Variants in INSR observed in about 807,000 individuals in gnomAD.
The protein encoded by INSR is IR.
A neutral mutation model predicts 142.6 loss-of-function variants in INSR; 67 were observed. The ratio of observed to expected loss-of-function variants is 0.47; its 90% CI spans 0.39 to 0.58. The LOEUF (loss-of-function observed/expected upper bound fraction) is 0.58, where lower values mean the gene tolerates loss of function less well. Among genes scored for constraint, INSR ranks in the 20% least tolerant of loss-of-function variants. The pLI, the probability that INSR is intolerant of heterozygous loss-of-function variation, is 0.00. For missense variants in INSR, 1,248 were observed against 1,833.2 expected (o/e 0.68, Z 5.83); for synonymous variants, 756 against 743.1 (o/e 1.02, Z -0.28).
intron 2 of INSR, among the ~76,000 whole-genome samples, chr19:7,220,255 C>G (rs980479372): frequency 2.6e-5 from 4 of 152,144 alleles, no homozygotes; most frequent in African/African-American, 9.7e-5. Context: ...TGTTTGCCTC[C>G]TTTTCAAGTT....
At position 7,142,892 on chromosome 19, in the gene INSR, C is replaced by A; in HGVS notation, c.2466G>T (p.Leu822=). ...CAGGGGTGTCCTGGTTGCAAGCCTG[C>A]AGCTCGATGCGATAGCCCGTGAAGT... ...LRHFTGYRIE[L]QACNQDTPEE... is the part of the protein sequence containing the mutation. Residue 822 remains leucine (L), a synonymous_variant, in exon 12 of 22, where the codon CTG becomes CTT. Transcript: ENST00000302850. 1 of 1,614,144 alleles carries A rather than the reference C, an allele frequency of 6.2e-7. No homozygotes were observed. Among genetic ancestry groups the A allele is most frequent in the Non-Finnish European group, 8.5e-7 (1 of 1,180,030 alleles).
chr19:7,177,098 A>G (rs1329193983), intron 3 of INSR, among the ~76,000 whole-genome samples: 1 of 152,174 alleles, frequency 6.6e-6, no homozygotes, highest in Non-Finnish European at 1.5e-5. Context: ...TTTGGGAACC[A>G]GTCCTCCCCA....
At chr19:7,118,807 C>T (rs186301769) in intron 21 of INSR, among the ~76,000 whole-genome samples, 3 of 147,374 alleles carry the variant, frequency 2.0e-5, no homozygotes, top group Non-Finnish European at 3.0e-5. Flanking sequence ...CCTAGCTACT[C>T]GGGAGGCTGA....
chr19:7,179,282 A>G lies in INSR; in HGVS notation c.975-4551T>C, dbSNP rs145455873. 7.3e-3 allele frequency among the ~76,000 whole-genome samples: 1,119 copies of G among 152,308 alleles called. 16 individuals are homozygous for G. Among genetic ancestry groups the G allele is most frequent in the African/African-American group, 0.026 (1,067 of 41,566 alleles). The stretch of plus-strand genomic sequence containing the variant: ...CCAAACAGTTTGTGGGAATCCCCCA[A>G]TTTAGAGCCAGTTAGTCAGAAGTGT... On this transcript the variant is annotated intron_variant, in intron 3 of 21. Transcript: ENST00000302850.
rs1322888350 is a variant in INSR at position 7,267,015 on chromosome 19, C to T, written c.652+330G>A. ...GCGGTGGCAAACTGCTGCCCTCGAG[C>T]AAAATCCGGCCCACGACTTGTTTTT... On this transcript the variant is annotated intron_variant, in intron 2 of 21. Transcript: ENST00000302850. The surrounding 1 kb of genome is among the most constrained non-coding windows in gnomAD (Gnocchi z 6.3). Among the ~76,000 whole-genome samples the T allele has an allele frequency of 3.3e-5, 5 of 152,070 alleles. No homozygotes were observed. The highest frequency in any genetic ancestry group is 1.5e-5 in the Non-Finnish European group (1 of 68,024).
At chr19:7,174,815 C>G in intron 3 of INSR, 84 bp from the exon 4 acceptor site, 2 of 1,330,572 alleles carry the variant, frequency 1.5e-6, no homozygotes, top group South Asian at 1.3e-5. Flanking sequence ...TCTCAGGCAT[C>G]TTTCTGCCTG....
intron 9 of INSR, among the ~76,000 whole-genome samples, chr19:7,162,092 C>T (rs1442698358): frequency 6.6e-6 from 1 of 151,468 alleles, no homozygotes; most frequent in African/African-American, 2.4e-5. Flanking sequence ...TTTGGGAGGC[C>T]GAGGCGGGTG....
Position 7,152,888 on chromosome 19 carries a change from T to C in INSR, c.2069A>G (p.Glu690Gly). The C allele has an allele frequency of 1.9e-6, 3 of 1,612,700 alleles. No individual in the cohort carries two copies. The highest frequency in any genetic ancestry group is 2.5e-6 in the Non-Finnish European group (3 of 1,179,858). Residue 690 changes from glutamate to glycine, a missense_variant, in exon 10 of 22, where the codon GAG becomes GGG. Coordinates refer to ENST00000302850, the MANE Select transcript of INSR (RefSeq NM_000208.4). Reference protein sequence around the residue: ...LPSRTWSPPFESEDSQKHNQS... With the variant: ...LPSRTWSPPFGSEDSQKHNQS... Reference sequence around the variant, plus strand: ...GTTGTGCTTCTGAGAATCTTCAGACTCGAATGGTGGAGACCAGGTCCTCGA... The same window carrying C: ...GTTGTGCTTCTGAGAATCTTCAGACCCGAATGGTGGAGACCAGGTCCTCGA...
At chr19:7,178,767 G>A (rs1387346192) in intron 3 of INSR, among the ~76,000 whole-genome samples, 2 of 152,136 alleles carry the variant, frequency 1.3e-5, no homozygotes, top group East Asian at 3.9e-4. Flanking sequence ...AAGCTCAGTA[G>A]TACTTCCCAG....
rs760234510 is a variant in INSR at position 7,119,618 on chromosome 19, C to A, written c.3660-35G>T. 1 of 1,611,184 alleles carries A rather than the reference C, an allele frequency of 6.2e-7. No individual in the cohort carries two copies. The highest frequency in any genetic ancestry group is 8.5e-7 in the Non-Finnish European group (1 of 1,178,912). On this transcript the variant is annotated intron_variant, in intron 20 of 21. Coordinates refer to ENST00000302850, the MANE Select transcript of INSR (RefSeq NM_000208.4). The surrounding 1 kb of genome is among the most constrained non-coding windows in gnomAD (Gnocchi z 5.2). ...ACAGTTGATAGTAGTAACAAAGAAGCCATTTAGACACACACACACACGCGC... is the reference window on the plus strand; with the variant it reads ...ACAGTTGATAGTAGTAACAAAGAAGACATTTAGACACACACACACACGCGC...
intron 2 of INSR, among the ~76,000 whole-genome samples, chr19:7,231,627 G>A (rs1485954256): frequency 6.6e-6 from 1 of 151,842 alleles, no homozygotes; most frequent in African/African-American, 2.4e-5. Flanking sequence ...AGAGTTTAAA[G>A]TGACTGGATG....
intron 1 of INSR, among the ~76,000 whole-genome samples, chr19:7,276,729 AT>A (rs1047523331): frequency 6.6e-6 from 1 of 151,642 alleles, no homozygotes; most frequent in African/African-American, 2.4e-5. Flanking sequence ...TTATTTATTC[AT>A]TTATTTATTT....
intron 2 of INSR, among the ~76,000 whole-genome samples, chr19:7,191,906 AAGAG>A (rs1221793489): frequency 6.8e-6 from 1 of 147,518 alleles, no homozygotes; most frequent in East Asian, 2.0e-4. Context: ...AGAGAAAAGA[AAGAG>A]AAAGACAGAA....
rs1458639388 is a variant in INSR at position 7,192,139 on chromosome 19, TAA to T, written c.653-7504_653-7503del. Among the ~76,000 whole-genome samples, 12 of 88,346 alleles carry T rather than the reference TAA, an allele frequency of 1.4e-4. No homozygotes were observed. In the East Asian group the frequency reaches 3.0e-3, roughly 22 times the overall value. 58.0% of individuals were successfully genotyped at this position (88,346 alleles called of 152,430 possible). On this transcript the variant is annotated intron_variant, in intron 2 of 21. Transcript: ENST00000302850. The surrounding 1 kb of genome is among the most constrained non-coding windows in gnomAD (Gnocchi z 4.2). ...AAGAAAGAGGGAGAAAGAAGAAAGA[TAA>T]GAGAGAGAGAAAGAGAAAGAAAAAG...
chr19:7,261,298 G>A (rs1415506494), intron 2 of INSR, among the ~76,000 whole-genome samples: 1 of 152,078 alleles, frequency 6.6e-6, no homozygotes, highest in Non-Finnish European at 1.5e-5. Context: ...GGAGGCAAAG[G>A]CTGGCTCCCT....
intron 3 of INSR, among the ~76,000 whole-genome samples, chr19:7,180,298 G>A (rs1428009745): frequency 6.6e-6 from 1 of 152,062 alleles, no homozygotes; most frequent in Non-Finnish European, 1.5e-5. Context: ...GGGAAGCCAA[G>A]GTGGGAGGAT....
Position 7,125,875 on chromosome 19 carries a change from G to A in INSR, c.3014-348C>T, listed in dbSNP as rs912423884. 3.3e-5 allele frequency among the ~76,000 whole-genome samples: 5 copies of A among 152,122 alleles called. No individual in the cohort carries two copies. The highest frequency in any genetic ancestry group is 7.3e-5 in the Non-Finnish European group (5 of 68,032). The stretch of plus-strand genomic sequence containing the variant: ...CTACTGTTTCTGCAAAGTGCCAAGG[G>A]GATGGAAGACAGGTTGTAATAGGTT... On this transcript the variant is annotated intron_variant, in intron 16 of 21. Transcript: ENST00000302850. The surrounding 1 kb of genome is among the most constrained non-coding windows in gnomAD (Gnocchi z 4.9).
In INSR at chr19:7,220,508, C is replaced by T. The variant is rs1975580022; in HGVS notation, c.653-35871G>A. ...TTCGCCATGTTGGCCAGGCTGGTCT[C>T]GAACTCCTGACCTCAGGTGATCCTC... On this transcript the variant is annotated intron_variant, in intron 2 of 21. Transcript: ENST00000302850. Among the ~76,000 whole-genome samples, 3 of 152,112 alleles carry T rather than the reference C, an allele frequency of 2.0e-5. No individual in the cohort carries two copies. In the South Asian group the frequency reaches 6.2e-4, roughly 31 times the overall value.
In INSR at chr19:7,267,611, T is replaced by C. The variant is rs1310336610; in HGVS notation, c.386A>G (p.Lys129Arg). 21 of 1,613,974 alleles carry C rather than the reference T, an allele frequency of 1.3e-5. No homozygotes were observed. The highest frequency in any genetic ancestry group is 1.5e-5 in the Non-Finnish European group (18 of 1,179,984). Residue 129 changes from lysine to arginine, a missense_variant, in exon 2 of 22, where the codon AAG becomes AGG. This residue lies in a region of INSR where 1,069 missense variants were observed against 1,654.0 expected (regional missense o/e 0.65). Transcript: ENST00000302850. This position sits in a 1 kb window ranked among gnomAD's most constrained non-coding sequence, Gnocchi z 6.3. ...ALVIFEMVHL[K>R]ELGLYNLMNI... ...CATCAGGTTGTAGAGGCCGAGTTCC[T>C]TGAGGTGAACCATCTCGAAGATGAC...
Sources: gnomAD v4.1 joint callset for allele counts (sites outside exome capture counted in the v4.1 genomes callset) on GRCh38, gnomAD v4.1.1 for gene constraint, gnomAD v4.1.1 regional missense constraint, Gnocchi (gnomAD v3.1) non-coding constraint, MANE v1.5 for transcripts, NCBI Gene and HGNC (gene_info 2026-07-23, HGNC 2026-07-21) for gene names.